UGT3A1: variants seen among roughly 807,000 people sequenced by gnomAD.
UGT3A1 encodes UDP glycosyltransferase family 3 member A1.
In UGT3A1, 40 loss-of-function variants were observed where a neutral mutation model predicts 37.6. The observed-to-expected ratio is 1.06, with a 90% CI of 0.83 to 1.38. The LOEUF (loss-of-function observed/expected upper bound fraction) is 1.38. Among genes scored for constraint, UGT3A1 ranks in the 40% most tolerant of loss-of-function variants. The pLI, the probability that UGT3A1 is intolerant of heterozygous loss-of-function variation, is 0.00. For synonymous variants in UGT3A1, 256 were observed against 232.3 expected (o/e 1.10, Z -0.93); for missense variants, 642 against 634.2 (o/e 1.01, Z -0.13).
At chr5:35,966,931 C>A (rs1349801831) in intron 3 of UGT3A1, among the ~76,000 whole-genome samples, 1 of 152,116 alleles carries the variant, frequency 6.6e-6, no homozygotes, top group East Asian at 1.9e-4. Context: ...AAATTATCCA[C>A]TATTTCATTT....
intron 2 of UGT3A1, among the ~76,000 whole-genome samples, chr5:35,981,209 C>A (rs571820358): frequency 6.6e-6 from 1 of 152,256 alleles, no homozygotes; most frequent in South Asian, 2.1e-4. Context: ...TCCAAAATGG[C>A]ATCATAGAAT....
chr5:35,969,449 C>CA (rs1261480167), intron 2 of UGT3A1, among the ~76,000 whole-genome samples: 7 of 151,916 alleles, frequency 4.6e-5, no homozygotes, highest in Non-Finnish European at 1.0e-4. Flanking sequence ...AAGAAACTTA[C>CA]AAAGATGAGC....
At chr5:35,959,247 A>C (rs1481753755) in intron 4 of UGT3A1, among the ~76,000 whole-genome samples, 1 of 152,230 alleles carries the variant, frequency 6.6e-6, no homozygotes, top group Non-Finnish European at 1.5e-5. Context: ...GACAGAAGTA[A>C]CTAATTGTTC....
chr5:35,966,619 G>A (rs910774923), intron 3 of UGT3A1, among the ~76,000 whole-genome samples: 9 of 152,178 alleles, frequency 5.9e-5, no homozygotes, highest in African/African-American at 1.7e-4. Context: ...AGAAGCTACT[G>A]CCCTTCAATG....
At chr5:35,983,531 T>C (rs572568155) in intron 2 of UGT3A1, among the ~76,000 whole-genome samples, 1 of 152,232 alleles carries the variant, frequency 6.6e-6, no homozygotes, top group Non-Finnish European at 1.5e-5. Context: ...AGGGGCTATT[T>C]TCAAACTCAT....
chr5:35,960,472 T>G (rs1739534726), intron 4 of UGT3A1, among the ~76,000 whole-genome samples: 1 of 152,198 alleles, frequency 6.6e-6, no homozygotes, highest in Non-Finnish European at 1.5e-5. Flanking sequence ...CTTGTCAGTT[T>G]GGCCGCAGCC....
chr5:35,972,456 C>T (rs1040295213), intron 2 of UGT3A1, among the ~76,000 whole-genome samples: 1 of 151,012 alleles, frequency 6.6e-6, no homozygotes, highest in Non-Finnish European at 1.5e-5. Context: ...TTTGGACTTG[C>T]TAACATCTCA....
intron 2 of UGT3A1, among the ~76,000 whole-genome samples, chr5:35,980,536 A>T (rs1740480181): frequency 6.6e-6 from 1 of 152,238 alleles, no homozygotes; most frequent in Admixed American, 6.5e-5. Context: ...ATGTCAGAAC[A>T]CTACCATGGC....
chr5:35,962,749 T>C, intron 4 of UGT3A1: 6 of 611,446 alleles, frequency 9.8e-6, no homozygotes, highest in Non-Finnish European at 1.5e-5. Flanking sequence ...CAGTCCTTCA[T>C]AATTTGGCCA....
At chr5:35,957,516 A>C in intron 4 of UGT3A1, 97 bp from the exon 5 acceptor site, 2 of 960,684 alleles carry the variant, frequency 2.1e-6, no homozygotes, top group Non-Finnish European at 3.2e-6. Flanking sequence ...ATACCCTCCC[A>C]TCAGTGCCTT....
chr5:35,963,049 C>T, intron 4 of UGT3A1: 1 of 656,242 alleles, frequency 1.5e-6, no homozygotes, highest in Non-Finnish European at 2.8e-6. Context: ...ACTTTCTCTT[C>T]CATCTGTTGT....
rs937156799 is a variant in UGT3A1 at position 35,953,142 on chromosome 5, G to T, written c.*1060C>A. The T allele has an allele frequency of 4.6e-5, 7 of 152,212 alleles. No individual in the cohort carries two copies. Among genetic ancestry groups the T allele is most frequent in the African/African-American group, 1.7e-4 (7 of 41,398 alleles). The allele number at this position is 152,212 out of a possible 1,614,324, so 9.4% of individuals were successfully genotyped here. ...TTTCATTTTATTTCAGAACTCTAAA[G>T]CAAATAAAAAGGTACAATCATTTGA... On this transcript the variant is annotated 3_prime_UTR_variant, in exon 7 of 7. Transcript: ENST00000274278.
rs1740146713 is a variant in UGT3A1 at position 35,973,757 on chromosome 5, C to T, written c.197-5624G>A. 2.0e-5 allele frequency among the ~76,000 whole-genome samples: 3 copies of T among 152,110 alleles called. No homozygotes were observed. The South Asian group carries it at 6.2e-4, about 31-fold the overall frequency. The stretch of plus-strand genomic sequence containing the variant: ...ATTATGATGCCCTTGAAGTGAGATT[C>T]CCTAAATATAATGGATTTAATTGCA... On this transcript the variant is annotated intron_variant, in intron 2 of 6. Coordinates refer to ENST00000274278, the MANE Select transcript of UGT3A1 (RefSeq NM_152404.4).
chr5:35,979,473 A>G (rs1740431642), intron 2 of UGT3A1, among the ~76,000 whole-genome samples: 1 of 151,910 alleles, frequency 6.6e-6, no homozygotes, highest in Non-Finnish European at 1.5e-5. Flanking sequence ...AGGGGCAAAG[A>G]GTGACCTTTG....
At chr5:35,980,300 C>T (rs551392318) in intron 2 of UGT3A1, among the ~76,000 whole-genome samples, 1 of 152,256 alleles carries the variant, frequency 6.6e-6, no homozygotes, top group African/African-American at 2.4e-5. Context: ...AAATACTGGA[C>T]ACCAGTCAGT....
intron 4 of UGT3A1, chr5:35,962,648 G>T: frequency 1.9e-6 from 1 of 515,384 alleles, no homozygotes; most frequent in Non-Finnish European, 3.5e-6. Context: ...GCCTGCACAT[G>T]TGGGGCCTCA....
chr5:35,992,531 T>C (rs1330104586), upstream of UGT3A1, among the ~76,000 whole-genome samples: 1 of 152,208 alleles, frequency 6.6e-6, no homozygotes, highest in Admixed American at 6.5e-5. Flanking sequence ...AAGCTCTTCA[T>C]TTATTCAACA....
chr5:35,957,549 T>A, intron 4 of UGT3A1, 130 bp from the exon 5 acceptor site: 1 of 728,256 alleles, frequency 1.4e-6, no homozygotes, highest in Non-Finnish European at 2.3e-6. Context: ...CCGAAGCTAT[T>A]ATTATGGCTC....
In UGT3A1 at chr5:35,951,041, T is replaced by C. The variant is rs1388914216; in HGVS notation, c.*3161A>G. 3 of 152,088 alleles carry C rather than the reference T, an allele frequency of 2.0e-5. No homozygotes were observed. Among genetic ancestry groups the C allele is most frequent in the Admixed American group, 6.5e-5 (1 of 15,284 alleles). The allele number at this position is 152,088 out of a possible 1,614,324, so 9.4% of individuals were successfully genotyped here. A position where few individuals can be genotyped will look rare whatever the true frequency, so the allele number is the denominator to read the frequency against. On this transcript the variant is annotated 3_prime_UTR_variant, in exon 7 of 7. Transcript: ENST00000274278. ...GTTCTTTTTTTTTTCTGTTGATTGA[T>C]TGTATACAGTATATAGTAAAAGTAC...
Sources: allele counts gnomAD v4.1 joint callset (sites outside exome capture counted in the v4.1 genomes callset), GRCh38; gene constraint gnomAD v4.1.1; transcripts MANE v1.5; gene names NCBI Gene and HGNC (gene_info 2026-07-23, HGNC 2026-07-21).